REDIC1: variants seen among roughly 807,000 people sequenced by gnomAD.
REDIC1 encodes HEI10 Interacting Protein 1.
At chr12:39,637,320 AT>A in the REDIC1 span, among the ~76,000 whole-genome samples, 1 of 152,094 alleles carries the variant, frequency 6.6e-6, no homozygotes, top group Non-Finnish European at 1.5e-5. Context: ...TCAAACTTTC[AT>A]TGAAAGAGAT....
the REDIC1 span, among the ~76,000 whole-genome samples, chr12:39,707,324 G>A: frequency 4.0e-5 from 6 of 151,716 alleles, no homozygotes; most frequent in East Asian, 1.9e-4. Context: ...ATATCACCTC[G>A]TTTAAAATGA....
the REDIC1 span, among the ~76,000 whole-genome samples, chr12:39,812,831 T>C: frequency 5.4e-5 from 8 of 147,558 alleles, no homozygotes; most frequent in East Asian, 2.0e-4. Flanking sequence ...GTTTGTAGTA[T>C]TACCTTTTTT....
the REDIC1 span, among the ~76,000 whole-genome samples, chr12:39,711,458 T>C: frequency 1.1e-4 from 12 of 106,226 alleles, no homozygotes; most frequent in South Asian, 2.1e-3. Context: ...TATATACACA[T>C]ATACACATAC....
the REDIC1 span, among the ~76,000 whole-genome samples, chr12:39,701,382 GCTAA>G: frequency 6.6e-6 from 1 of 152,174 alleles, no homozygotes; most frequent in Non-Finnish European, 1.5e-5. Flanking sequence ...AACAAGAAGA[GCTAA>G]CTATCCTAAA....
chr12:39,629,923 TC>T, the REDIC1 span, among the ~76,000 whole-genome samples: 2 of 152,126 alleles, frequency 1.3e-5, no homozygotes, highest in African/African-American at 4.8e-5. Flanking sequence ...AATGCCCCCT[TC>T]TATTTTTAAT....
chr12:39,641,599 A>C, the REDIC1 span, among the ~76,000 whole-genome samples: 1 of 151,794 alleles, frequency 6.6e-6, no homozygotes, highest in South Asian at 2.1e-4. Flanking sequence ...TGGCATATGC[A>C]AGTAATAGCA....
the REDIC1 span, among the ~76,000 whole-genome samples, chr12:39,898,298 C>G: frequency 1.3e-5 from 2 of 152,162 alleles, no homozygotes; most frequent in East Asian, 1.9e-4. Context: ...ATAAGACAAG[C>G]CTTATACACC....
chr12:39,646,522 A>C, the REDIC1 span: 1 of 1,448,300 alleles, frequency 6.9e-7, no homozygotes, highest in Non-Finnish European at 9.3e-7. Flanking sequence ...CAACACTTTT[A>C]CTCACTCGAA....
At chr12:39,654,342 C>T in the REDIC1 span, among the ~76,000 whole-genome samples, 4 of 152,002 alleles carry the variant, frequency 2.6e-5, no homozygotes, top group African/African-American at 9.7e-5. Flanking sequence ...AATCCCAGCA[C>T]TTTGGGAGGC....
the REDIC1 span, among the ~76,000 whole-genome samples, chr12:39,672,286 G>T: frequency 6.6e-6 from 1 of 152,078 alleles, no homozygotes; most frequent in Admixed American, 6.5e-5. Context: ...ATGGGTGTAG[G>T]CTGTAGTGAA....
At chr12:39,646,878 G>A in the REDIC1 span, 1 of 1,596,280 alleles carries the variant, frequency 6.3e-7, no homozygotes, top group African/African-American at 1.3e-5. Flanking sequence ...GAAGATCTTG[G>A]CCCAGTCCAG....
chr12:39,903,356 T>A, the REDIC1 span, among the ~76,000 whole-genome samples: 6 of 152,152 alleles, frequency 3.9e-5, no homozygotes, highest in Non-Finnish European at 8.8e-5. Flanking sequence ...GTACAAACAT[T>A]GAAGACATAT....
At chr12:39,713,390 G>A in the REDIC1 span, among the ~76,000 whole-genome samples, 180 of 126,664 alleles carry the variant, frequency 1.4e-3, 4 homozygotes, top group South Asian at 2.3e-3. Flanking sequence ...ATGTATGTGT[G>A]TAGACACATA....
At chr12:39,711,591 A>ATGTGTATACACG in the REDIC1 span, among the ~76,000 whole-genome samples, 2 of 26,062 alleles carry the variant, frequency 7.7e-5, no homozygotes, top group East Asian at 1.8e-3. Flanking sequence ...ATGCATGTGT[A>ATGTGTATACACG]TATGTGTATA....
At chr12:39,675,835 C>T in the REDIC1 span, among the ~76,000 whole-genome samples, 1 of 152,210 alleles carries the variant, frequency 6.6e-6, no homozygotes, top group Admixed American at 6.5e-5. Flanking sequence ...GATAGCCTCA[C>T]TGGGGGGCTA....
At chr12:39,711,364 T>C in the REDIC1 span, among the ~76,000 whole-genome samples, 1 of 146,974 alleles carries the variant, frequency 6.8e-6, no homozygotes, top group South Asian at 2.1e-4. Context: ...TATATACATA[T>C]ATACACATAT....
At chr12:39,678,544 A>T in the REDIC1 span, among the ~76,000 whole-genome samples, 1 of 150,448 alleles carries the variant, frequency 6.6e-6, no homozygotes, top group East Asian at 2.0e-4. Context: ...ACTGAAAATT[A>T]TTCCAAAAGA....
the REDIC1 span, among the ~76,000 whole-genome samples, chr12:39,737,678 A>G: frequency 6.6e-6 from 1 of 152,232 alleles, no homozygotes; most frequent in Non-Finnish European, 1.5e-5. Flanking sequence ...AATAGTGGAG[A>G]CAGTATTTCA....
At chr12:39,720,846 C>G in the REDIC1 span, 1 of 1,612,912 alleles carries the variant, frequency 6.2e-7, no homozygotes, top group Non-Finnish European at 8.5e-7. Flanking sequence ...GGATGACCAT[C>G]AAAACCAAGG....
Sources: gnomAD v4.1 joint callset for allele counts (sites outside exome capture counted in the v4.1 genomes callset) on GRCh38, gnomAD v4.1.1 for gene constraint, MANE v1.5 for transcripts, NCBI Gene and HGNC (gene_info 2026-07-23, HGNC 2026-07-21) for gene names.